CNGB3: variants seen among roughly 807,000 people sequenced by gnomAD.
The protein encoded by CNGB3 is cyclic nucleotide-gated channel beta-3.
In CNGB3, 86 loss-of-function variants were observed where a neutral mutation model predicts 92.8. The ratio of observed to expected loss-of-function variants is 0.93; its 90% CI spans 0.78 to 1.11. The LOEUF is 1.11. Among genes scored for constraint, CNGB3 ranks in the 50% least tolerant of loss-of-function variants. The pLI is 0.00. For synonymous variants in CNGB3, 333 were observed against 332.7 expected (o/e 1.00, Z -0.01); for missense variants, 1,026 against 956.8 (o/e 1.07, Z -0.95).
chr8:86,694,372 C>A (rs1323601251), intron 3 of CNGB3, among the ~76,000 whole-genome samples: 2 of 149,504 alleles, frequency 1.3e-5, no homozygotes, highest in Non-Finnish European at 3.0e-5. Context: ...CACTTCCCTC[C>A]CGGACGGGGT....
intron 3 of CNGB3, among the ~76,000 whole-genome samples, chr8:86,694,174 G>T (rs1824388454): frequency 7.3e-6 from 1 of 137,418 alleles, no homozygotes; most frequent in Admixed American, 7.1e-5. Context: ...CGGGCGGGGG[G>T]CTGACCCCCC....
At chr8:86,626,150 A>C in intron 12 of CNGB3, 70 bp from the exon 13 acceptor site, 3 of 1,236,130 alleles carry the variant, frequency 2.4e-6, no homozygotes, top group Non-Finnish European at 3.5e-6. Context: ...AGGTACAAGT[A>C]GAAAAATTTT....
intron 4 of CNGB3, among the ~76,000 whole-genome samples, chr8:86,670,584 T>C (rs1028329812): frequency 3.3e-5 from 5 of 151,972 alleles, no homozygotes; most frequent in Admixed American, 2.0e-4. Context: ...TTTCTTTTTT[T>C]TAATTAAAAA....
chr8:86,598,387 C>T (rs988609651), intron 15 of CNGB3, among the ~76,000 whole-genome samples: 4 of 152,134 alleles, frequency 2.6e-5, no homozygotes, highest in Admixed American at 6.5e-5. Flanking sequence ...GTGTTGAAGG[C>T]GGAGTGTCCA....
At chr8:86,653,344 T>C (rs1353044961) in intron 7 of CNGB3, among the ~76,000 whole-genome samples, 1 of 151,602 alleles carries the variant, frequency 6.6e-6, no homozygotes, top group Non-Finnish European at 1.5e-5. Context: ...AAAAAAACAA[T>C]TGAAAGGGAT....
At chr8:86,621,087 T>C (rs76533038) in intron 13 of CNGB3, among the ~76,000 whole-genome samples, 3,150 of 152,232 alleles carry the variant, frequency 0.021, 102 homozygotes, top group African/African-American at 0.071. Flanking sequence ...AAAAAGTACA[T>C]ATAGAAAGCA....
chr8:86,712,584 C>A (rs1414872338), intron 3 of CNGB3, among the ~76,000 whole-genome samples: 1 of 151,988 alleles, frequency 6.6e-6, no homozygotes, highest in Admixed American at 6.6e-5. Flanking sequence ...CCTTAATATA[C>A]TATATTTTTA....
intron 2 of CNGB3, among the ~76,000 whole-genome samples, chr8:86,727,752 T>C (rs1185236899): frequency 6.6e-6 from 1 of 152,168 alleles, no homozygotes. Flanking sequence ...CATTTTTAAT[T>C]GGATGTCTTG....
chr8:86,589,802 A>G (rs1821986067), intron 15 of CNGB3, among the ~76,000 whole-genome samples: 1 of 151,818 alleles, frequency 6.6e-6, no homozygotes, highest in African/African-American at 2.4e-5. Flanking sequence ...GTGCTGAAAA[A>G]AATGTATATT....
At chr8:86,667,994 A>T in intron 5 of CNGB3, 25 bp downstream of exon 5, 1 of 1,613,576 alleles carries the variant, frequency 6.2e-7, no homozygotes, top group Non-Finnish European at 8.5e-7. Context: ...CCCTCCCACT[A>T]TGATAATTCA....
At chr8:86,718,246 A>G (rs1453563325) in intron 3 of CNGB3, among the ~76,000 whole-genome samples, 1 of 152,186 alleles carries the variant, frequency 6.6e-6, no homozygotes, top group Non-Finnish European at 1.5e-5. Context: ...CTTTGAAAAG[A>G]TAAATAAAAT....
intron 15 of CNGB3, among the ~76,000 whole-genome samples, chr8:86,582,207 A>T (rs1405796871): frequency 6.6e-6 from 1 of 152,112 alleles, no homozygotes; most frequent in Non-Finnish European, 1.5e-5. Flanking sequence ...CAGCCTGGGC[A>T]ACATGGTCAA....
chr8:86,724,973 A>T (rs1156760364), intron 3 of CNGB3, among the ~76,000 whole-genome samples: 1 of 152,130 alleles, frequency 6.6e-6, no homozygotes, highest in Non-Finnish European at 1.5e-5. Flanking sequence ...CATGTCAAGA[A>T]GTTTTTTGTT....
chr8:86,710,699 A>G (rs1317889434), intron 3 of CNGB3, among the ~76,000 whole-genome samples: 3 of 152,218 alleles, frequency 2.0e-5, no homozygotes, highest in African/African-American at 4.8e-5. Context: ...AAATCCTGTC[A>G]GACAAAAAAT....
At chr8:86,625,857 A>C (rs969980251) in intron 13 of CNGB3, 126 bp downstream of exon 13, 23 of 773,774 alleles carry the variant, frequency 3.0e-5, no homozygotes, top group Admixed American at 1.1e-4. Flanking sequence ...ATTCCACATA[A>C]TTTCTCTAGG....
chr8:86,689,281 T>G (rs1333821611), intron 3 of CNGB3, among the ~76,000 whole-genome samples: 2 of 151,930 alleles, frequency 1.3e-5, no homozygotes, highest in East Asian at 3.9e-4. Flanking sequence ...TCCATAAAAT[T>G]TCATTAGTTC....
At chr8:86,600,419 G>A (rs1822268619) in intron 15 of CNGB3, among the ~76,000 whole-genome samples, 1 of 152,016 alleles carries the variant, frequency 6.6e-6, no homozygotes, top group African/African-American at 2.4e-5. Flanking sequence ...ATGCCATAAG[G>A]GGACCCAAAT....
intron 3 of CNGB3, among the ~76,000 whole-genome samples, chr8:86,712,587 T>TTTAATATACTAAATTAATAAATTA (rs1824768881): frequency 6.6e-6 from 1 of 152,120 alleles, no homozygotes; most frequent in Admixed American, 6.6e-5. Context: ...TAATATACTA[T>TTTAATATACTAAATTAATAAATTA]ATTTTTATCT....
chr8:86,632,402 G>A (rs1465537385), intron 11 of CNGB3, among the ~76,000 whole-genome samples: 2 of 152,006 alleles, frequency 1.3e-5, no homozygotes, highest in Non-Finnish European at 2.9e-5. Flanking sequence ...GACCTCTGAA[G>A]TCAATTATAA....
Sources: allele counts gnomAD v4.1 joint callset (sites outside exome capture counted in the v4.1 genomes callset), GRCh38; gene constraint gnomAD v4.1.1; transcripts MANE v1.5; gene names NCBI Gene and HGNC (gene_info 2026-07-23, HGNC 2026-07-21).